RORA: variants seen among roughly 807,000 people sequenced by gnomAD.
RORA encodes nuclear receptor ROR-alpha.
A neutral mutation model predicts 69.5 loss-of-function variants in RORA; 7 were observed. The ratio of observed to expected loss-of-function variants is 0.10; its 90% confidence interval spans 0.06 to 0.19. RORA has a LOEUF of 0.19. Ranked by LOEUF, RORA falls within the 10% of genes least tolerant of loss-of-function variation. The pLI is 1.00. For missense variants in RORA, 457 were observed against 663.0 expected (o/e 0.69, Z 3.41); for synonymous variants, 261 against 240.8 (o/e 1.08, Z -0.78).
intron 1 of RORA, among the ~76,000 whole-genome samples, chr15:60,880,823 G>C (rs1314260740): frequency 6.6e-6 from 1 of 152,062 alleles, no homozygotes; most frequent in African/African-American, 2.4e-5. Context: ...AATTTAATAC[G>C]TGTCTGACCT....
chr15:60,500,613 T>C (rs1176788501), intron 9 of RORA, among the ~76,000 whole-genome samples: 2 of 152,156 alleles, frequency 1.3e-5, no homozygotes, highest in African/African-American at 4.8e-5. Flanking sequence ...TAGGATGTCT[T>C]AAAAATCTTG....
At chr15:60,553,508 G>A (rs990216256) in intron 2 of RORA, among the ~76,000 whole-genome samples, 2 of 152,188 alleles carry the variant, frequency 1.3e-5, no homozygotes, top group Middle Eastern at 3.2e-3. Context: ...GAGTCAGATG[G>A]TCTAAGTTCT....
chr15:60,871,477 T>C (rs1261459842), intron 1 of RORA, among the ~76,000 whole-genome samples: 1 of 152,228 alleles, frequency 6.6e-6, no homozygotes, highest in African/African-American at 2.4e-5. Context: ...TCAAGGGCCA[T>C]GGCCAGCCAG....
At chr15:60,938,706 G>C (rs1892601576) in intron 1 of RORA, among the ~76,000 whole-genome samples, 2 of 151,610 alleles carry the variant, frequency 1.3e-5, no homozygotes, top group Admixed American at 1.3e-4. Flanking sequence ...TCTGACACCA[G>C]CCTAGTCAGC....
chr15:60,729,828 G>T (rs113523024), intron 1 of RORA, among the ~76,000 whole-genome samples: 256 of 152,316 alleles, frequency 1.7e-3, no homozygotes, highest in African/African-American at 5.7e-3. Context: ...TATGTAGTCA[G>T]GGTTAGGGAT....
intron 2 of RORA, among the ~76,000 whole-genome samples, chr15:60,585,760 C>T (rs928782941): frequency 6.6e-6 from 1 of 152,024 alleles, no homozygotes; most frequent in Admixed American, 6.5e-5. Flanking sequence ...ATTTTTTTTC[C>T]TTTACTTCCT....
intron 3 of RORA, among the ~76,000 whole-genome samples, chr15:60,517,110 C>CTTTTTTTTTTTTTT (rs34707279): frequency 1.4e-5 from 2 of 141,270 alleles, no homozygotes; most frequent in African/African-American, 5.6e-5. Flanking sequence ...TTCATCTGTG[C>CTTTTTTTTTTTTTT]TTTTTTTTTT....
chr15:61,220,088 A>G (rs551464172), intron 1 of RORA, among the ~76,000 whole-genome samples: 255 of 152,350 alleles, frequency 1.7e-3, no homozygotes, highest in African/African-American at 6.0e-3. Flanking sequence ...GTGCTCATCC[A>G]AAGCACGTGA....
At chr15:60,560,514 T>A (rs2067502247) in intron 2 of RORA, among the ~76,000 whole-genome samples, 1 of 151,898 alleles carries the variant, frequency 6.6e-6, no homozygotes, top group African/African-American at 2.4e-5. Flanking sequence ...GACAATATAG[T>A]GAGACCCTGC....
At chr15:60,800,138 T>C (rs2072558135) in intron 1 of RORA, among the ~76,000 whole-genome samples, 1 of 152,198 alleles carries the variant, frequency 6.6e-6, no homozygotes, top group South Asian at 2.1e-4. Flanking sequence ...ACCACAGAAA[T>C]TGGCAAACTT....
chr15:60,658,191 C>T (rs535316856), intron 2 of RORA, among the ~76,000 whole-genome samples: 24 of 152,196 alleles, frequency 1.6e-4, no homozygotes, highest in African/African-American at 5.8e-4. Context: ...AGTGATTCTC[C>T]TGCCTCAGCC....
intron 1 of RORA, among the ~76,000 whole-genome samples, chr15:60,918,772 G>A (rs976360803): frequency 6.6e-6 from 1 of 152,132 alleles, no homozygotes; most frequent in African/African-American, 2.4e-5. Flanking sequence ...GACAGGGAGG[G>A]AGCAGAAAGA....
chr15:60,929,651 A>G (rs894597844), intron 1 of RORA, among the ~76,000 whole-genome samples: 2 of 152,170 alleles, frequency 1.3e-5, no homozygotes, highest in Non-Finnish European at 2.9e-5. Flanking sequence ...CTTACAGTGG[A>G]GTAGAAAGTG....
chr15:60,675,682 C>T (rs2070542183), intron 2 of RORA, among the ~76,000 whole-genome samples: 1 of 152,144 alleles, frequency 6.6e-6, no homozygotes, highest in Admixed American at 6.6e-5. Flanking sequence ...ATTTCTGCCT[C>T]AAGTCACCCA....
Position 60,746,960 on chromosome 15 carries a change from C to T in RORA, c.167-68274G>A, listed in dbSNP as rs114978755. On this transcript the variant is annotated intron_variant, in intron 1 of 10. Transcript: ENST00000335670. ...AATAAAATAGTGAGTAGAAACTCAC[C>T]GATCGACTCTAGTTAGTGTCAGCCT... is the stretch of plus-strand genomic sequence containing the variant. Among the ~76,000 whole-genome samples, 600 of 152,188 alleles carry T rather than the reference C, an allele frequency of 3.9e-3. 3 individuals carry two copies. The highest frequency in any genetic ancestry group is 0.014 in the African/African-American group (563 of 41,504).
At chr15:60,836,969 C>T (rs982731214) in intron 1 of RORA, among the ~76,000 whole-genome samples, 1 of 152,092 alleles carries the variant, frequency 6.6e-6, no homozygotes, top group East Asian at 1.9e-4. Flanking sequence ...GGGCCTTTCC[C>T]TGTTGAAAAA....
intron 2 of RORA, among the ~76,000 whole-genome samples, chr15:60,566,061 A>G (rs1444952393): frequency 6.6e-6 from 1 of 152,208 alleles, no homozygotes; most frequent in African/African-American, 2.4e-5. Flanking sequence ...TATCAAGGAA[A>G]GTCTTCCTAT....
chr15:60,701,518 C>T (rs940069466), intron 1 of RORA, among the ~76,000 whole-genome samples: 30 of 152,176 alleles, frequency 2.0e-4, no homozygotes, highest in African/African-American at 6.5e-4. Flanking sequence ...AACTCACCGA[C>T]GTACTGCCTC....
chr15:60,612,651 C>G (rs887337800), intron 2 of RORA, among the ~76,000 whole-genome samples: 1 of 141,772 alleles, frequency 7.1e-6, no homozygotes, highest in Non-Finnish European at 1.5e-5. Context: ...ATCTCTCTCT[C>G]TCTCTCTCTG....
Sources: allele counts gnomAD v4.1 joint callset (sites outside exome capture counted in the v4.1 genomes callset), GRCh38; gene constraint gnomAD v4.1.1; transcripts MANE v1.5; gene names NCBI Gene and HGNC (gene_info 2026-07-23, HGNC 2026-07-21).